The following COG4 variants were observed in gnomAD, a reference collection of about 807,000 sequenced individuals.
COG4 encodes conserved oligomeric Golgi complex subunit 4.
In COG4, 65 loss-of-function variants were observed where a neutral mutation model predicts 95.1. That is an observed-to-expected ratio of 0.68 (90% CI 0.56 to 0.84). The LOEUF (loss-of-function observed/expected upper bound fraction) is 0.84. COG4 is among the 40% of genes least tolerant of loss of function. The pLI is 0.00. For missense variants in COG4, 1,045 were observed against 989.1 expected (o/e 1.06, Z -0.76); for synonymous variants, 421 against 374.8 (o/e 1.12, Z -1.42).
intron 11 of COG4, 32 bp downstream of exon 11, chr16:70,497,189 T>G: frequency 6.2e-7 from 1 of 1,611,470 alleles, no homozygotes. Context: ...AGGGCCTTTC[T>G]GCCTAGAAAG....
intron 10 of COG4, 86 bp downstream of exon 10, chr16:70,497,850 AT>A: frequency 1.2e-6 from 1 of 837,492 alleles, no homozygotes; most frequent in Non-Finnish European, 2.1e-6. Context: ...AGCAGGACCA[AT>A]AAATATGACA....
At position 70,497,357 on chromosome 16, in the gene COG4, G is replaced by A. The variant is rs759387195; in HGVS notation, c.1345C>T (p.Gln449Ter). Residue 449 changes from glutamine to a stop codon, truncating the protein, a stop_gained, in exon 11 of 19, where the codon CAG becomes TAG. Coordinates refer to ENST00000323786, the MANE Select transcript of COG4 (RefSeq NM_015386.3). LOFTEE classifies it high-confidence loss of function. ...TCATCCACCATGCTGGATGTCAGCT[G>A]GCCCTTCTCATAGGTGTCCAGAGCC... The part of the protein sequence containing the change: ...AVALDTYEKG[Q>*]LTSSMVDDVF... 6.2e-7 allele frequency: 1 copy of A among 1,613,802 alleles called. No homozygotes were observed. Among genetic ancestry groups the A allele is most frequent in the Non-Finnish European group, 8.5e-7 (1 of 1,180,024 alleles).
chr16:70,484,065 C>CT (rs2049076658), intron 13 of COG4, 96 bp from the exon 14 acceptor site: 46 of 921,958 alleles, frequency 5.0e-5, no homozygotes, highest in Non-Finnish European at 7.8e-5. Context: ...CCAGCTATGG[C>CT]CTGTCAAGAG....
intron 5 of COG4, among the ~76,000 whole-genome samples, chr16:70,511,011 C>T (rs971182800): frequency 6.6e-6 from 1 of 151,732 alleles, no homozygotes; most frequent in Admixed American, 6.6e-5. Flanking sequence ...GTGATCCACC[C>T]GCCTCAGCCT....
At chr16:70,493,367 A>C (rs1400307893) in intron 12 of COG4, among the ~76,000 whole-genome samples, 1 of 152,046 alleles carries the variant, frequency 6.6e-6, no homozygotes, top group Non-Finnish European at 1.5e-5. Context: ...ATGTGTGGCT[A>C]TTGAGCACCT....
At chr16:70,512,205 C>A (rs770962967) in intron 5 of COG4, 34 bp downstream of exon 5, 6 of 1,604,322 alleles carry the variant, frequency 3.7e-6, no homozygotes, top group Non-Finnish European at 5.1e-6. Flanking sequence ...CAGACAGCCA[C>A]ACAATTATCC....
chr16:70,511,679 TC>T (rs1229102673), intron 5 of COG4, among the ~76,000 whole-genome samples: 4 of 151,880 alleles, frequency 2.6e-5, no homozygotes, highest in Admixed American at 1.3e-4. Flanking sequence ...ACACCTGTAA[TC>T]CCATCACTTT....
intron 13 of COG4, among the ~76,000 whole-genome samples, chr16:70,488,252 G>A (rs1209441395): frequency 6.6e-6 from 1 of 151,904 alleles, no homozygotes; most frequent in African/African-American, 2.4e-5. Flanking sequence ...TCCTGCCTCA[G>A]CCTCCTGAGT....
chr16:70,481,098 G>T lies in COG4; in HGVS notation c.2282C>A (p.Thr761Lys). The T allele has an allele frequency of 6.2e-7, 1 of 1,613,524 alleles. No individual in the cohort carries two copies. The highest frequency in any genetic ancestry group is 8.5e-7 in the Non-Finnish European group (1 of 1,180,030). The change falls in exon 19 of 19, where the codon ACG (threonine) becomes AAG (lysine). Residue 761 changes from threonine to lysine, a missense_variant. Transcript: ENST00000323786. ...DYWGPNSGPL[T>K]WRLTPAEVRQ... Reference sequence around the variant, plus strand: ...CACTTCAGCAGGGGTGAGGCGCCACGTCAATGGGCCGGAATTGGGTCCCCA... The same window carrying T: ...CACTTCAGCAGGGGTGAGGCGCCACTTCAATGGGCCGGAATTGGGTCCCCA...
In COG4 at chr16:70,482,749, C is replaced by T. The variant is rs772560552; in HGVS notation, c.1900G>A (p.Val634Ile). 64 of 1,613,620 alleles carry T rather than the reference C, an allele frequency of 4.0e-5. No homozygotes were observed. Among genetic ancestry groups the T allele is most frequent in the East Asian group, 2.5e-4 (11 of 44,868 alleles). The change falls in exon 15 of 19, where the codon GTC becomes ATC. Residue 634 changes from valine to isoleucine, a missense_variant. Coordinates refer to ENST00000323786, the MANE Select transcript of COG4 (RefSeq NM_015386.3). ...VQPWINSFFS[V>I]SHNIEEEEFN... ...CTAACCTCCTCGATGTTGTGGGAGA[C>T]GGAGAAAAAGCTGTTGATCCAAGGC... is the stretch of plus-strand genomic sequence containing the variant.
intron 12 of COG4, among the ~76,000 whole-genome samples, chr16:70,494,431 A>G (rs1300677548): frequency 1.3e-5 from 2 of 152,224 alleles, no homozygotes; most frequent in African/African-American, 2.4e-5. Flanking sequence ...AGGCCCTGCA[A>G]TGGGAGTGAT....
At position 70,484,897 on chromosome 16, in the gene COG4, C is replaced by T. The variant is rs139348412; in HGVS notation, c.1711-928G>A. On this transcript the variant is annotated intron_variant, in intron 13 of 18. Transcript: ENST00000323786. ...GGGCAGCAGAGTGAGAACAAAGTAC[C>T]TATTCTACTTAAAAACAAAACAAAA... 7.2e-5 allele frequency among the ~76,000 whole-genome samples: 11 copies of T among 152,120 alleles called. No homozygotes were observed. In the East Asian group the frequency reaches 1.9e-3, roughly 27 times the overall value.
intron 12 of COG4, among the ~76,000 whole-genome samples, chr16:70,491,520 C>CAAAAAAAAA (rs72213284): frequency 5.5e-5 from 3 of 54,834 alleles, no homozygotes. Flanking sequence ...GACTCTGTCT[C>CAAAAAAAAA]AAAAAAAAAA....
intron 13 of COG4, among the ~76,000 whole-genome samples, chr16:70,489,035 C>T (rs2049190999): frequency 6.6e-6 from 1 of 152,164 alleles, no homozygotes; most frequent in Non-Finnish European, 1.5e-5. Flanking sequence ...CACAGCTGGG[C>T]AGTGGTCAAG....
intron 9 of COG4, 108 bp downstream of exon 9, chr16:70,500,850 G>A (rs1259651306): frequency 3.0e-6 from 4 of 1,354,792 alleles, no homozygotes; most frequent in Admixed American, 3.4e-5. Flanking sequence ...ACCACCAGGG[G>A]CTAATAAGTT....
intron 12 of COG4, among the ~76,000 whole-genome samples, chr16:70,493,645 G>A (rs912303414): frequency 6.6e-6 from 1 of 152,186 alleles, no homozygotes; most frequent in East Asian, 1.9e-4. Context: ...TCACAGACAC[G>A]TGCAGGGAAG....
At chr16:70,511,721 T>G (rs952528775) in intron 5 of COG4, among the ~76,000 whole-genome samples, 1 of 151,726 alleles carries the variant, frequency 6.6e-6, no homozygotes, top group Non-Finnish European at 1.5e-5. Flanking sequence ...TCACCTGACG[T>G]TGGGAGTTCG....
intron 5 of COG4, among the ~76,000 whole-genome samples, chr16:70,511,246 T>C (rs2151759565): frequency 6.6e-6 from 1 of 152,296 alleles, no homozygotes; most frequent in Admixed American, 6.5e-5. Flanking sequence ...CTTATACAAA[T>C]ATATCTTGAT....
intron 5 of COG4, among the ~76,000 whole-genome samples, chr16:70,511,720 G>T (rs763527040): frequency 6.6e-6 from 1 of 151,968 alleles, no homozygotes; most frequent in Non-Finnish European, 1.5e-5. Flanking sequence ...ATCACCTGAC[G>T]TTGGGAGTTC....
Sources: allele counts gnomAD v4.1 joint callset (sites outside exome capture counted in the v4.1 genomes callset), GRCh38; gene constraint gnomAD v4.1.1; transcripts MANE v1.5; gene names NCBI Gene and HGNC (gene_info 2026-07-23, HGNC 2026-07-21).